APAF1: variants seen among roughly 807,000 people sequenced by gnomAD.
APAF1 encodes the protein apoptotic protease-activating factor 1.
APAF1 carries 91 observed loss-of-function variants against 152.4 expected under a neutral mutation model. The ratio of observed to expected loss-of-function variants is 0.60; its 90% CI spans 0.50 to 0.71. The LOEUF is 0.71. Ranked by LOEUF, APAF1 falls within the 30% of genes least tolerant of loss-of-function variation. APAF1 has a pLI of 0.00. For missense variants in APAF1, 1,283 were observed against 1,472.0 expected (o/e 0.87, Z 2.10); for synonymous variants, 484 against 494.1 (o/e 0.98, Z 0.27).
At chr12:98,683,376 C>A in intron 15 of APAF1, 102 bp downstream of exon 15, 5 of 1,155,020 alleles carry the variant, frequency 4.3e-6, no homozygotes, top group South Asian at 1.3e-5. Flanking sequence ...TTTCTGGTCA[C>A]AATGATAGAA....
chr12:98,729,076 C>T (rs1412683232), intron 26 of APAF1, among the ~76,000 whole-genome samples: 1 of 152,132 alleles, frequency 6.6e-6, no homozygotes, highest in Non-Finnish European at 1.5e-5. Flanking sequence ...TAGAAGGGGT[C>T]TGGGACATGC....
At chr12:98,694,898 A>G (rs2097708076) in intron 16 of APAF1, among the ~76,000 whole-genome samples, 1 of 143,354 alleles carries the variant, frequency 7.0e-6, no homozygotes, top group Non-Finnish European at 1.5e-5. Flanking sequence ...TTTTTTTTAG[A>G]CAGTCTTGGT....
At position 98,666,177 on chromosome 12, in the gene APAF1, C is replaced by A. The variant is rs775615293; in HGVS notation, c.1195-13C>A. On this transcript the variant is annotated splice_polypyrimidine_tract_variant and intron_variant, in intron 8 of 26. Transcript: ENST00000551964. The stretch of plus-strand genomic sequence containing the variant: ...ACTTTTGTGGCATATTAAATACTTA[C>A]AACAATTCCTAGGTGTTATGTATTC... 9 of 1,612,450 alleles carry A rather than the reference C, an allele frequency of 5.6e-6. No homozygotes were observed. Among genetic ancestry groups the A allele is most frequent in the South Asian group, 1.1e-5 (1 of 91,002 alleles).
At position 98,733,875 on chromosome 12, in the gene APAF1, T is replaced by C. The variant is rs539913464; in HGVS notation, c.*1309T>C. 1.3e-5 allele frequency: 2 copies of C among 152,346 alleles called. No homozygotes were observed. Among genetic ancestry groups the C allele is most frequent in the South Asian group, 4.1e-4 (2 of 4,824 alleles). 9.4% of individuals were successfully genotyped at this position (152,346 alleles called of 1,614,324 possible). ...CAGTATCTGAGTTGGACACTATTCC[T>C]GCTCCCTCTTGTTTCTTACATATCA... On this transcript the variant is annotated 3_prime_UTR_variant, in exon 27 of 27. Transcript: ENST00000551964.
chr12:98,703,285 G>T, intron 17 of APAF1, 86 bp from the exon 18 acceptor site: 1 of 1,469,504 alleles, frequency 6.8e-7, no homozygotes, highest in Non-Finnish European at 9.5e-7. Flanking sequence ...TTTTTTTCAG[G>T]ACTTATATTT....
Position 98,732,461 on chromosome 12 carries a change from C to T in APAF1, c.3642C>T (p.Tyr1214=), listed in dbSNP as rs2097763832. 1.2e-6 allele frequency: 2 copies of T among 1,612,286 alleles called. No individual in the cohort carries two copies. Among genetic ancestry groups the T allele is most frequent in the South Asian group, 1.1e-5 (1 of 91,038 alleles). ...CTGGGGAATCCTCACAGACCTTCTA[C>T]ACAAATGGAACCAATCTTAAGAAAA... is the stretch of plus-strand genomic sequence containing the variant. ...VVTGESSQTF[Y]TNGTNLKKIH... The change falls in exon 27 of 27, where the codon TAC becomes TAT. Residue 1214 remains tyrosine (Y), a synonymous_variant. Coordinates refer to ENST00000551964, the MANE Select transcript of APAF1 (RefSeq NM_181861.2).
intron 5 of APAF1, 122 bp downstream of exon 5, chr12:98,659,465 A>G (rs2097661982): frequency 1.8e-6 from 2 of 1,123,624 alleles, no homozygotes; most frequent in Admixed American, 1.9e-5. Context: ...AGAGAGAACC[A>G]TTGCGGCCAG....
intron 18 of APAF1, among the ~76,000 whole-genome samples, chr12:98,704,620 G>A (rs952539374): frequency 6.6e-6 from 1 of 152,160 alleles, no homozygotes; most frequent in African/African-American, 2.4e-5. Context: ...GTGCAGCAGT[G>A]CATGTGACAC....
At chr12:98,687,902 C>G (rs1440578303) in intron 16 of APAF1, among the ~76,000 whole-genome samples, 1 of 152,090 alleles carries the variant, frequency 6.6e-6, no homozygotes, top group African/African-American at 2.4e-5. Context: ...GCCTCTGCCT[C>G]CTGGGTTCAA....
intron 4 of APAF1, among the ~76,000 whole-genome samples, chr12:98,655,534 C>A (rs1040819043): frequency 1.3e-5 from 2 of 152,154 alleles, no homozygotes; most frequent in Non-Finnish European, 1.5e-5. Context: ...TAGGGGCGGC[C>A]GTAGTATTTT....
At chr12:98,656,504 T>C (rs962966263) in intron 4 of APAF1, among the ~76,000 whole-genome samples, 1 of 152,216 alleles carries the variant, frequency 6.6e-6, no homozygotes, top group Non-Finnish European at 1.5e-5. Flanking sequence ...CCTCAGTTAC[T>C]GTAGAGTTCT....
chr12:98,646,273 A>G (rs369800567), intron 1 of APAF1, among the ~76,000 whole-genome samples: 4 of 152,252 alleles, frequency 2.6e-5, no homozygotes, highest in South Asian at 4.1e-4. Flanking sequence ...ACTATAAATT[A>G]AGGAACATTT....
Position 98,648,805 on chromosome 12 carries a change from A to G in APAF1, c.318A>G (p.Ile106Met). Residue 106 changes from isoleucine to methionine, a missense_variant, in exon 3 of 27, where the codon ATA (isoleucine) becomes ATG (methionine). Physicochemically the swap from Ile to Met is conservative, Grantham distance 10. Coordinates refer to ENST00000551964, the MANE Select transcript of APAF1 (RefSeq NM_181861.2). ...SSSGKDSVSGITSYVRTVLCE... is the reference protein window; with the variant it reads ...SSSGKDSVSGMTSYVRTVLCE... The stretch of plus-strand genomic sequence containing the variant: ...GTGGTAAAGATTCAGTTAGTGGAAT[A>G]ACTTCGTATGGTTTGTATCCATTAT... 1.9e-6 allele frequency: 3 copies of G among 1,613,886 alleles called. No homozygotes were observed. The highest frequency in any genetic ancestry group is 2.5e-6 in the Non-Finnish European group (3 of 1,179,912).
At chr12:98,713,465 A>G (rs2097730424) in intron 21 of APAF1, among the ~76,000 whole-genome samples, 2 of 152,204 alleles carry the variant, frequency 1.3e-5, no homozygotes, top group South Asian at 4.1e-4. Context: ...TGTTCCACCA[A>G]TCCTTGCTGT....
At chr12:98,678,557 C>G (rs564319213) in intron 13 of APAF1, among the ~76,000 whole-genome samples, 125 of 152,368 alleles carry the variant, frequency 8.2e-4, no homozygotes, top group African/African-American at 2.9e-3. Context: ...GCTGCAGGCT[C>G]GGGCCTCCGG....
intron 15 of APAF1, among the ~76,000 whole-genome samples, chr12:98,684,392 C>T (rs2097695717): frequency 6.6e-6 from 1 of 150,722 alleles, no homozygotes; most frequent in African/African-American, 2.4e-5. Context: ...CCTCTCCTCT[C>T]TCTCTCTCCC....
Position 98,683,180 on chromosome 12 carries a change from A to G in APAF1, c.2084A>G (p.Tyr695Cys), listed in dbSNP as rs773212660. ...NSMTGELVHT[Y>C]DEHSEQVNCC... ...ATGACTGGGGAACTAGTACACACCTATGATGAGCACTCAGAGCAAGTCAAT... is the reference window on the plus strand; with the variant it reads ...ATGACTGGGGAACTAGTACACACCTGTGATGAGCACTCAGAGCAAGTCAAT... Residue 695 changes from tyrosine to cysteine, a missense_variant, in exon 15 of 27, where the codon TAT becomes TGT. Coordinates refer to ENST00000551964, the MANE Select transcript of APAF1 (RefSeq NM_181861.2). The G allele has an allele frequency of 1.2e-6, 2 of 1,613,150 alleles. No homozygotes were observed. Among genetic ancestry groups the G allele is most frequent in the East Asian group, 2.2e-5 (1 of 44,858 alleles).
At chr12:98,650,263 A>G (rs1319061337) in intron 4 of APAF1, among the ~76,000 whole-genome samples, 1 of 151,906 alleles carries the variant, frequency 6.6e-6, no homozygotes, top group Non-Finnish European at 1.5e-5. Context: ...GGCGTGGATC[A>G]CCTGAGGTCA....
At chr12:98,732,323 T>G in intron 26 of APAF1, 97 bp from the exon 27 acceptor site, 4 of 1,079,216 alleles carry the variant, frequency 3.7e-6, no homozygotes, top group Non-Finnish European at 4.3e-6. Flanking sequence ...TTGAGTTCGG[T>G]TGGGGGGAGG....
Sources: allele counts gnomAD v4.1 joint callset (sites outside exome capture counted in the v4.1 genomes callset), GRCh38; gene constraint gnomAD v4.1.1; transcripts MANE v1.5; gene names NCBI Gene and HGNC (gene_info 2026-07-23, HGNC 2026-07-21).